AGPAT3: variants seen among roughly 807,000 people sequenced by gnomAD.
AGPAT3 encodes the protein 1-acylglycerol-3-phosphate O-acyltransferase 3, also known as 1-acyl-sn-glycerol-3-phosphate acyltransferase gamma.
Under a neutral mutation model 47.3 loss-of-function variants are expected in AGPAT3, and 5 were observed. The ratio of observed to expected loss-of-function variants is 0.11; its 90% CI spans 0.06 to 0.22. AGPAT3 has a LOEUF of 0.22. Ranked by LOEUF, AGPAT3 falls within the 10% of genes least tolerant of loss-of-function variation. The probability of loss-of-function intolerance (pLI) is 1.00; values close to 1 mark genes in which losing one functional copy is unlikely to be tolerated. For missense variants in AGPAT3, 315 were observed against 493.0 expected, an observed-to-expected ratio of 0.64 and a Z score of 3.42; for synonymous variants, 212 against 208.3, an observed-to-expected ratio of 1.02 and a Z score of -0.15.
rs114326727 is a variant in AGPAT3 at position 43,889,568 on chromosome 21, C to T, written c.-111-14389C>T. Reference sequence around the variant, plus strand: ...ATATTGTGGGTTCCGTTCCGGACTTCGGCAATAAAATAAATATCACGATAA... The same window carrying T: ...ATATTGTGGGTTCCGTTCCGGACTTTGGCAATAAAATAAATATCACGATAA... On this transcript the variant is annotated intron_variant, in intron 1 of 9. Coordinates refer to ENST00000291572, the MANE Select transcript of AGPAT3 (RefSeq NM_020132.5). Among the ~76,000 whole-genome samples, 631 of 152,250 alleles carry T rather than the reference C, an allele frequency of 4.1e-3. 8 individuals are homozygous for T. Among genetic ancestry groups the T allele is most frequent in the African/African-American group, 0.014 (578 of 41,520 alleles).
chr21:43,917,796 A>G (rs114856348), intron 2 of AGPAT3, among the ~76,000 whole-genome samples: 67 of 104,838 alleles, frequency 6.4e-4, no homozygotes, highest in Middle Eastern at 6.8e-3. Context: ...TATTGTGGGT[A>G]TTGTGGGGGT....
chr21:43,901,485 TA>T lies in AGPAT3; in HGVS notation c.-111-2464del, dbSNP rs910549226. ...AAAATAAAGAAAAAAATGGAAGATA[TA>T]AAAAAAAGACCTAGGGCCGGGCGTC... is the stretch of plus-strand genomic sequence containing the variant. On this transcript the variant is annotated intron_variant, in intron 1 of 9. Coordinates refer to ENST00000291572, the MANE Select transcript of AGPAT3 (RefSeq NM_020132.5). Among the ~76,000 whole-genome samples, 134 of 150,300 alleles carry T rather than the reference TA, an allele frequency of 8.9e-4. 2 individuals carry two copies. The highest frequency in any genetic ancestry group is 3.2e-3 in the African/African-American group (128 of 40,186).
intron 3 of AGPAT3, among the ~76,000 whole-genome samples, chr21:43,962,619 C>T (rs1183214519): frequency 6.6e-6 from 1 of 152,126 alleles, no homozygotes. Context: ...TAGCAAAAAC[C>T]GGGGTGTGCA....
chr21:43,904,477 A>G (rs1351463992), intron 2 of AGPAT3, among the ~76,000 whole-genome samples: 6 of 151,900 alleles, frequency 3.9e-5, no homozygotes, highest in Non-Finnish European at 5.9e-5. Context: ...CAGCTGCACA[A>G]TCCCCGTGGG....
intron 1 of AGPAT3, among the ~76,000 whole-genome samples, chr21:43,877,004 G>T (rs537728878): frequency 6.6e-6 from 1 of 152,072 alleles, no homozygotes; most frequent in East Asian, 1.9e-4. Flanking sequence ...GACTACAGGT[G>T]CATGCCATCA....
chr21:43,930,992 C>A lies in AGPAT3; in HGVS notation c.-49+26973C>A, dbSNP rs1403347985. Among the ~76,000 whole-genome samples the A allele has an allele frequency of 6.6e-6, 1 of 151,990 alleles. No individual in the cohort carries two copies. Among genetic ancestry groups the A allele is most frequent in the African/African-American group, 2.4e-5 (1 of 41,372 alleles). On this transcript the variant is annotated intron_variant, in intron 2 of 9. Coordinates refer to ENST00000291572, the MANE Select transcript of AGPAT3 (RefSeq NM_020132.5). The surrounding 1 kb of genome is among the most constrained non-coding windows in gnomAD (Gnocchi z 5.0). ...GTGGGGGCTCTAGAGTGGGGGTGAA[C>A]GCACGTCTGAGGCTCATCAGGGACT...
rs2085836620 is a variant in AGPAT3 at position 43,880,631 on chromosome 21, A to G, written c.-112+15286A>G. Reference sequence around the variant, plus strand: ...TATGTCTGTGGCCTTTTGCAAATCAACTTCAAAATTTGCAGTCACATTTAT... The same window carrying G: ...TATGTCTGTGGCCTTTTGCAAATCAGCTTCAAAATTTGCAGTCACATTTAT... On this transcript the variant is annotated intron_variant, in intron 1 of 9. Transcript: ENST00000291572. This position sits in a 1 kb window ranked among gnomAD's most constrained non-coding sequence, Gnocchi z 4.5. 6.6e-6 allele frequency among the ~76,000 whole-genome samples: 1 copy of G among 152,208 alleles called. No homozygotes were observed. Among genetic ancestry groups the G allele is most frequent in the African/African-American group, 2.4e-5 (1 of 41,454 alleles).
In AGPAT3 at chr21:43,981,314, A is replaced by G. The variant is rs910833383; in HGVS notation, c.1042+127A>G. On this transcript the variant is annotated intron_variant, in intron 9 of 9. Coordinates refer to ENST00000291572, the MANE Select transcript of AGPAT3 (RefSeq NM_020132.5). This position sits in a 1 kb window ranked among gnomAD's most constrained non-coding sequence, Gnocchi z 5.3. ...GGGGCCTGGCTGTTATGGACCCTGG[A>G]GCCAGGATCCCCCCACGGCCTGCGG... The G allele has an allele frequency of 5.8e-6, 6 of 1,035,642 alleles. No homozygotes were observed. The highest frequency in any genetic ancestry group is 1.6e-5 in the African/African-American group (1 of 63,894). The allele number at this position is 1,035,642 out of a possible 1,614,324, so 64.2% of individuals were successfully genotyped here.
At position 43,958,570 on chromosome 21, in the gene AGPAT3, G is replaced by A. The variant is rs541240746; in HGVS notation, c.-48-1064G>A. ...TTGTGGTGTGTGTGGTGCGTGTGGC[G>A]TGTGTGTGGTTTGTGGTGTGTGTGG... On this transcript the variant is annotated intron_variant, in intron 2 of 9. Transcript: ENST00000291572. Among the ~76,000 whole-genome samples the A allele has an allele frequency of 2.7e-3, 405 of 151,208 alleles. 1 individual carries two copies. Among genetic ancestry groups the A allele is most frequent in the African/African-American group, 9.4e-3 (387 of 41,146 alleles).
intron 2 of AGPAT3, among the ~76,000 whole-genome samples, chr21:43,951,825 G>C (rs994919001): frequency 6.6e-6 from 1 of 152,198 alleles, no homozygotes; most frequent in Non-Finnish European, 1.5e-5. Context: ...GGAGGGGCCT[G>C]GTGGGCCTGG....
chr21:43,973,801 G>A (rs376273643), intron 7 of AGPAT3, among the ~76,000 whole-genome samples: 78 of 152,266 alleles, frequency 5.1e-4, no homozygotes, highest in African/African-American at 1.8e-3. Flanking sequence ...GCGATGCCCA[G>A]GGCCATGGGG....
At chr21:43,891,050 G>C (rs1452043304) in intron 1 of AGPAT3, among the ~76,000 whole-genome samples, 1 of 152,146 alleles carries the variant, frequency 6.6e-6, no homozygotes, top group Non-Finnish European at 1.5e-5. Context: ...CCAGGTATTT[G>C]TTAATAGCAG....
chr21:43,970,791 T>C lies in AGPAT3; in HGVS notation c.649T>C (p.Cys217Arg). The change falls in exon 6 of 10, where the codon TGC becomes CGC. Residue 217 changes from cysteine (C) to arginine (R), a missense_variant. Coordinates refer to ENST00000291572, the MANE Select transcript of AGPAT3 (RefSeq NM_020132.5). The surrounding 1 kb of genome is among the most constrained non-coding windows in gnomAD (Gnocchi z 5.8). ...RTKGFTTAVK[C>R]LRGTVAAVYD... ...CAAGGGCTTCACCACCGCAGTCAAGTGCCTCCGGGGGACAGGTAGGCCCCA... is the reference window on the plus strand; with the variant it reads ...CAAGGGCTTCACCACCGCAGTCAAGCGCCTCCGGGGGACAGGTAGGCCCCA... 6.3e-7 allele frequency: 1 copy of C among 1,586,450 alleles called. No individual in the cohort carries two copies. Among genetic ancestry groups the C allele is most frequent in the East Asian group, 2.3e-5 (1 of 43,728 alleles).
rs561021188 is a variant in AGPAT3 at position 43,986,060 on chromosome 21, C to T, written c.*3668C>T. The T allele has an allele frequency of 4.6e-5, 7 of 152,394 alleles. No homozygotes were observed. The highest frequency in any genetic ancestry group is 2.1e-4 in the South Asian group (1 of 4,834). The allele number at this position is 152,394 out of a possible 1,614,324, so 9.4% of individuals were successfully genotyped here. A position where few individuals can be genotyped will look rare whatever the true frequency, so the allele number is the denominator to read the frequency against. Reference sequence around the variant, plus strand: ...TCCGCCCTGGCTCTGCCCCATACCCCTGCCGTGGGGCCGACCTGGGGGATG... The same window carrying T: ...TCCGCCCTGGCTCTGCCCCATACCCTTGCCGTGGGGCCGACCTGGGGGATG... On this transcript the variant is annotated 3_prime_UTR_variant, in exon 10 of 10. Coordinates refer to ENST00000291572, the MANE Select transcript of AGPAT3 (RefSeq NM_020132.5).
Position 43,955,159 on chromosome 21 carries a change from G to C in AGPAT3, c.-48-4475G>C, listed in dbSNP as rs1185867994. On this transcript the variant is annotated intron_variant, in intron 2 of 9. Transcript: ENST00000291572. This position sits in a 1 kb window ranked among gnomAD's most constrained non-coding sequence, Gnocchi z 4.1. ...CAGCCACGGATGCGCCCTGGGTGCT[G>C]TCCCGGGGCCGTCTCAGAAGCACCG... 2 of 1,276,596 alleles carry C rather than the reference G, an allele frequency of 1.6e-6. No homozygotes were observed. The highest frequency in any genetic ancestry group is 2.5e-5 in the South Asian group (2 of 79,188). The allele number at this position is 1,276,596 out of a possible 1,614,324, so 79.1% of individuals were successfully genotyped here.
At chr21:43,945,465 G>A (rs1438341710) in intron 2 of AGPAT3, among the ~76,000 whole-genome samples, 1 of 152,228 alleles carries the variant, frequency 6.6e-6, no homozygotes, top group Non-Finnish European at 1.5e-5. Context: ...AAATGTTTGT[G>A]CATCTGAGAT....
In AGPAT3 at chr21:43,982,000, C is replaced by G. The variant is rs1161458850; in HGVS notation, c.1043-304C>G. Among the ~76,000 whole-genome samples the G allele has an allele frequency of 1.3e-5, 2 of 152,240 alleles. No homozygotes were observed. The highest frequency in any genetic ancestry group is 2.9e-5 in the Non-Finnish European group (2 of 68,048). On this transcript the variant is annotated intron_variant, in intron 9 of 9. Transcript: ENST00000291572. This position sits in a 1 kb window ranked among gnomAD's most constrained non-coding sequence, Gnocchi z 5.3. ...TTTGCAAGGCCGAGCTGTTAGAATG[C>G]CCCGAAGCCCTTCTGCTCCCACCAG...
intron 1 of AGPAT3, among the ~76,000 whole-genome samples, chr21:43,881,953 G>A (rs964294333): frequency 3.3e-5 from 5 of 152,210 alleles, no homozygotes; most frequent in African/African-American, 1.2e-4. Context: ...CACCATGCAC[G>A]GCCTATTAAA....
At chr21:43,924,276 CG>C (rs1310149388) in intron 2 of AGPAT3, among the ~76,000 whole-genome samples, 2 of 151,910 alleles carry the variant, frequency 1.3e-5, no homozygotes, top group African/African-American at 4.8e-5. Flanking sequence ...CCGCCCGCCT[CG>C]GCCTCCCAAA....
Sources: gnomAD v4.1 joint callset for allele counts (sites outside exome capture counted in the v4.1 genomes callset) on GRCh38, gnomAD v4.1.1 for gene constraint, Gnocchi (gnomAD v3.1) non-coding constraint, MANE v1.5 for transcripts, NCBI Gene and HGNC (gene_info 2026-07-23, HGNC 2026-07-21) for gene names.